The following CTSO variants were observed in gnomAD, a reference collection of about 807,000 sequenced individuals.
CTSO encodes the protein cathepsin O.
A neutral mutation model predicts 42.4 loss-of-function variants in CTSO; 40 were observed. The observed-to-expected ratio is 0.94, with a 90% confidence interval of 0.73 to 1.23. The LOEUF (loss-of-function observed/expected upper bound fraction) is 1.23. CTSO is among the 50% of genes most tolerant of loss of function. The pLI, the probability that CTSO is intolerant of heterozygous loss-of-function variation, is 0.00. For missense variants in CTSO, 441 were observed against 396.0 expected, an observed-to-expected ratio of 1.11 and a Z score of -0.96; for synonymous variants, 156 against 146.2, an observed-to-expected ratio of 1.07 and a Z score of -0.48.
chr4:155,934,245 C>G (rs371529637), intron 5 of CTSO, among the ~76,000 whole-genome samples: 46 of 152,262 alleles, frequency 3.0e-4, no homozygotes, highest in African/African-American at 1.1e-3. Context: ...TGGGGTTGAG[C>G]CTGCGGGTAC....
chr4:155,942,250 T>C, intron 3 of CTSO, 67 bp downstream of exon 3: 1 of 1,301,510 alleles, frequency 7.7e-7, no homozygotes, highest in Non-Finnish European at 1.0e-6. Flanking sequence ...CAACTTTGAT[T>C]AAACTTGACC....
intron 5 of CTSO, among the ~76,000 whole-genome samples, chr4:155,934,220 T>A (rs1743290206): frequency 1.3e-5 from 2 of 152,212 alleles, no homozygotes; most frequent in South Asian, 4.1e-4. Context: ...GGCTGTGGCC[T>A]TGGCAGCTTC....
chr4:155,929,163 T>C (rs1743186282), intron 6 of CTSO, among the ~76,000 whole-genome samples: 2 of 152,216 alleles, frequency 1.3e-5, no homozygotes, highest in Non-Finnish European at 1.5e-5. Flanking sequence ...GCCCATCCCT[T>C]TATTTCCCAT....
In CTSO at chr4:155,953,810, A is replaced by AGCAGCCACGGCAGCCACG. The variant is rs763561825; in HGVS notation, c.20_37dup (p.Pro7_Leu12dup). Reference sequence around the variant, plus strand: ...GCCGCCGCCCCGGCACAGCAGCCACAGCAGCCACGGCAGCCACGGCAGCGC... The same window carrying AGCAGCCACGGCAGCCACG: ...GCCGCCGCCCCGGCACAGCAGCCACAGCAGCCACGGCAGCCACGGCAGCCACGGCAGCCACGGCAGCGC... On this transcript the variant is annotated inframe_insertion, in exon 1 of 8. Coordinates refer to ENST00000433477, the MANE Select transcript of CTSO (RefSeq NM_001334.3). The AGCAGCCACGGCAGCCACG allele has an allele frequency of 2.1e-5, 28 of 1,348,420 alleles. No individual in the cohort carries two copies. Among genetic ancestry groups the AGCAGCCACGGCAGCCACG allele is most frequent in the Non-Finnish European group, 2.7e-5 (28 of 1,047,144 alleles). 83.5% of individuals were successfully genotyped at this position (1,348,420 alleles called of 1,614,324 possible).
intron 1 of CTSO, 76 bp downstream of exon 1, chr4:155,953,637 C>A: frequency 8.1e-7 from 1 of 1,228,396 alleles, no homozygotes; most frequent in South Asian, 4.1e-5. Flanking sequence ...CTCTCGGGGG[C>A]CCTCTTCCGC....
chr4:155,943,140 C>T lies in CTSO; in HGVS notation c.244+16G>A, dbSNP rs1417106197. The T allele has an allele frequency of 4.8e-6, 7 of 1,452,160 alleles. No individual in the cohort carries two copies. The highest frequency in any genetic ancestry group is 6.6e-6 in the Non-Finnish European group (7 of 1,052,856). The allele number at this position is 1,452,160 out of a possible 1,614,324, so 90.0% of individuals were successfully genotyped here. On this transcript the variant is annotated intron_variant, in intron 2 of 7. Coordinates refer to ENST00000433477, the MANE Select transcript of CTSO (RefSeq NM_001334.3). ...TAAAATCAGGAAACCACCTAAATAG[C>T]AACATCGGACTATACCTTTAAACTC...
Position 155,939,047 on chromosome 4 carries a change from AT to A in CTSO, c.552+323del, listed in dbSNP as rs543965124. Among the ~76,000 whole-genome samples, 236 of 152,262 alleles carry A rather than the reference AT, an allele frequency of 1.5e-3. 1 individual carries two copies. The highest frequency in any genetic ancestry group is 5.3e-3 in the African/African-American group (219 of 41,552). On this transcript the variant is annotated intron_variant, in intron 4 of 7. Coordinates refer to ENST00000433477, the MANE Select transcript of CTSO (RefSeq NM_001334.3). The stretch of plus-strand genomic sequence containing the variant: ...CAGAAATTCTATGAAAATAAAAAAA[AT>A]ATATTCTCATCTTTCCGGGATATTA...
chr4:155,934,905 C>T (rs986765460), intron 5 of CTSO, among the ~76,000 whole-genome samples: 16 of 152,072 alleles, frequency 1.1e-4, no homozygotes, highest in African/African-American at 3.9e-4. Context: ...TGAGTTAAGA[C>T]TTTGGGGGAC....
chr4:155,929,761 A>AAT lies in CTSO; in HGVS notation c.675-58_675-57dup, dbSNP rs1372450205. ...ATTTAGTTTTTAAGGTAAAAATAAC[A>AAT]ATGATCTATATAATCTGTGTATGAT... On this transcript the variant is annotated intron_variant, in intron 5 of 7. Transcript: ENST00000433477. 145 of 1,500,530 alleles carry AAT rather than the reference A, an allele frequency of 9.7e-5. No individual in the cohort carries two copies. In the African/African-American group the frequency reaches 1.4e-3, roughly 14 times the overall value. The allele number at this position is 1,500,530 out of a possible 1,614,324, so 93.0% of individuals were successfully genotyped here. A position where few individuals can be genotyped will look rare whatever the true frequency, so the allele number is the denominator to read the frequency against.
intron 7 of CTSO, among the ~76,000 whole-genome samples, chr4:155,926,508 C>T (rs578016752): frequency 2.6e-5 from 4 of 152,238 alleles, no homozygotes; most frequent in African/African-American, 9.6e-5. Flanking sequence ...TCTTTACACA[C>T]GAGAACACAG....
intron 1 of CTSO, among the ~76,000 whole-genome samples, chr4:155,946,436 A>G (rs1422505730): frequency 6.6e-6 from 1 of 152,180 alleles, no homozygotes; most frequent in Non-Finnish European, 1.5e-5. Flanking sequence ...GATTCCAATA[A>G]CAGTTACTTG....
intron 1 of CTSO, among the ~76,000 whole-genome samples, chr4:155,945,118 G>A (rs1427288657): frequency 2.0e-5 from 3 of 151,868 alleles, no homozygotes; most frequent in Admixed American, 6.6e-5. Flanking sequence ...TTAGCCGGGC[G>A]TGGTGGTGGG....
chr4:155,953,757 G>A lies in CTSO; in HGVS notation c.91C>T (p.Pro31Ser). 7.6e-7 allele frequency: 1 copy of A among 1,316,604 alleles called. No individual in the cohort carries two copies. The allele number at this position is 1,316,604 out of a possible 1,614,324, so 81.6% of individuals were successfully genotyped here. A position where few individuals can be genotyped will look rare whatever the true frequency, so the allele number is the denominator to read the frequency against. The change falls in exon 1 of 8, where the codon CCG (proline) becomes TCG (serine). Residue 31 changes from proline to serine, a missense_variant. By Grantham distance (74) the Pro-to-Ser change is moderately conservative. Transcript: ENST00000433477. ...CGCTCGCGGCTCCGCGGCCAGGTCG[G>A]GGTGAAGGGGGCGCGGGAGTCCGCA... ...GDADSRAPFTPTWPRSREREA... is the reference protein window; with the variant it reads ...GDADSRAPFTSTWPRSREREA...
chr4:155,947,151 C>A (rs991764631), intron 1 of CTSO, among the ~76,000 whole-genome samples: 1 of 152,200 alleles, frequency 6.6e-6, no homozygotes, highest in African/African-American at 2.4e-5. Flanking sequence ...TGAGCCACTG[C>A]GCCTGGCCTC....
chr4:155,950,550 T>A (rs6536124), intron 1 of CTSO, among the ~76,000 whole-genome samples: 115,673 of 152,088 alleles, frequency 0.76, 44,293 homozygotes, highest in South Asian at 0.91. Flanking sequence ...AATTCGTGTT[T>A]TCATCTTTAT....
At chr4:155,930,315 T>A (rs1040691177) in intron 5 of CTSO, among the ~76,000 whole-genome samples, 2 of 152,230 alleles carry the variant, frequency 1.3e-5, no homozygotes, top group Non-Finnish European at 2.9e-5. Flanking sequence ...AGGGAAGGGC[T>A]ACTCAAAAGT....
At chr4:155,929,238 A>G (rs1472969278) in intron 6 of CTSO, among the ~76,000 whole-genome samples, 1 of 152,200 alleles carries the variant, frequency 6.6e-6, no homozygotes, top group African/African-American at 2.4e-5. Flanking sequence ...TGCTGTCAAT[A>G]AATATGTGGG....
rs1361138370 is a variant in CTSO at position 155,924,277 on chromosome 4, T to C, written c.*1759A>G. 2 of 151,148 alleles carry C rather than the reference T, an allele frequency of 1.3e-5. No homozygotes were observed. Among genetic ancestry groups the C allele is most frequent in the East Asian group, 1.9e-4 (1 of 5,192 alleles). The allele number at this position is 151,148 out of a possible 1,614,324, so 9.4% of individuals were successfully genotyped here. On this transcript the variant is annotated 3_prime_UTR_variant, in exon 8 of 8. Transcript: ENST00000433477. ...CTATATCACATAGAAAGTCAGCGAATACAAACTAGACAAGCAGGACATAGT... is the reference window on the plus strand; with the variant it reads ...CTATATCACATAGAAAGTCAGCGAACACAAACTAGACAAGCAGGACATAGT...
chr4:155,928,436 G>A lies in CTSO; in HGVS notation c.839-8C>T. On this transcript the variant is annotated splice_region_variant and splice_polypyrimidine_tract_variant and intron_variant, in intron 6 of 7. Transcript: ENST00000433477. The stretch of plus-strand genomic sequence containing the variant: ...TCCAATATGGAGTGCTTCCTACAGT[G>A]AAACATAAATAGTAACAAATCCTGA... The A allele has an allele frequency of 6.3e-7, 1 of 1,585,982 alleles. No homozygotes were observed. The highest frequency in any genetic ancestry group is 8.6e-7 in the Non-Finnish European group (1 of 1,164,198).
Sources: allele counts gnomAD v4.1 joint callset (sites outside exome capture counted in the v4.1 genomes callset), GRCh38; gene constraint gnomAD v4.1.1; transcripts MANE v1.5; gene names NCBI Gene and HGNC (gene_info 2026-07-23, HGNC 2026-07-21).